Variants in WDR41 observed in about 807,000 individuals in gnomAD.
The protein encoded by WDR41 is WD repeat-containing protein 41.
WDR41 carries 63 observed loss-of-function variants against 69.3 expected under a neutral mutation model. The ratio of observed to expected loss-of-function variants is 0.91; its 90% CI spans 0.74 to 1.12. The LOEUF (loss-of-function observed/expected upper bound fraction) is 1.12. WDR41 is among the 50% of genes most tolerant of loss of function. The probability of loss-of-function intolerance (pLI) is 0.00; values close to 1 mark genes in which losing one functional copy is unlikely to be tolerated. For synonymous variants in WDR41, 185 were observed against 192.1 expected (o/e 0.96, Z 0.31); for missense variants, 543 against 534.5 (o/e 1.02, Z -0.16).
At chr5:77,609,200 A>C (rs946249354) in intron 1 of WDR41, among the ~76,000 whole-genome samples, 1 of 152,218 alleles carries the variant, frequency 6.6e-6, no homozygotes, top group Non-Finnish European at 1.5e-5. Context: ...GCCTGCCTGC[A>C]TCTGTAGGCT....
At chr5:77,563,394 C>A (rs1355451917) in intron 1 of WDR41, among the ~76,000 whole-genome samples, 1 of 152,090 alleles carries the variant, frequency 6.6e-6, no homozygotes, top group East Asian at 1.9e-4. Flanking sequence ...ACCAAAACAG[C>A]ACTCCCCTAC....
chr5:77,545,068 A>T (rs1284179167), intron 1 of WDR41, among the ~76,000 whole-genome samples: 1 of 152,146 alleles, frequency 6.6e-6, no homozygotes, highest in Non-Finnish European at 1.5e-5. Context: ...CTCCTGAATG[A>T]TCATTGGGTG....
intron 1 of WDR41, chr5:77,582,731 A>G (rs1046828182): frequency 8.6e-5 from 137 of 1,593,112 alleles, no homozygotes; most frequent in Middle Eastern, 1.7e-4. Context: ...CAAATCTTCA[A>G]TGGAACCTTT....
At chr5:77,570,842 T>C (rs550113509) in intron 1 of WDR41, among the ~76,000 whole-genome samples, 1 of 152,120 alleles carries the variant, frequency 6.6e-6, no homozygotes, top group South Asian at 2.1e-4. Flanking sequence ...AAATTAATTG[T>C]TCCAATCTAG....
At chr5:77,529,542 A>C (rs1470819348) in intron 1 of WDR41, among the ~76,000 whole-genome samples, 1 of 151,592 alleles carries the variant, frequency 6.6e-6, no homozygotes, top group Non-Finnish European at 1.5e-5. Context: ...ATGAAAATGC[A>C]AAGTGCCAAG....
At chr5:77,476,895 C>G (rs1800962449) in intron 2 of WDR41, among the ~76,000 whole-genome samples, 1 of 142,662 alleles carries the variant, frequency 7.0e-6, no homozygotes, top group Non-Finnish European at 1.5e-5. Flanking sequence ...GATAAAGAGT[C>G]AAGACCCATC....
At chr5:77,600,921 C>CTG (rs778461981) in intron 1 of WDR41, among the ~76,000 whole-genome samples, 170 of 106,478 alleles carry the variant, frequency 1.6e-3, no homozygotes, top group Middle Eastern at 8.8e-3. Context: ...TTATCTAACT[C>CTG]TGTGTGTATG....
chr5:77,433,141 A>G lies in WDR41; in HGVS notation c.1374T>C (p.Ala458=). 6.2e-7 allele frequency: 1 copy of G among 1,611,902 alleles called. No individual in the cohort carries two copies. Among genetic ancestry groups the G allele is most frequent in the South Asian group, 1.1e-5 (1 of 90,388 alleles). The change falls in exon 13 of 13, where the codon GCT becomes GCC. Residue 458 remains alanine, a synonymous_variant. Coordinates refer to ENST00000296679, the MANE Select transcript of WDR41 (RefSeq NM_018268.4). ...GTATTTTTAATTCCTTAAACTAGAC[A>G]GCAAGGTATAAGTCACCATTCTCCT... ...KLEENGDLYL[A]V is the part of the protein sequence containing the mutation.
intron 1 of WDR41, among the ~76,000 whole-genome samples, chr5:77,598,335 T>C (rs1744260671): frequency 6.6e-6 from 1 of 152,204 alleles, no homozygotes; most frequent in Non-Finnish European, 1.5e-5. Flanking sequence ...GACATACTAC[T>C]CCCTTGTACA....
intron 2 of WDR41, among the ~76,000 whole-genome samples, chr5:77,478,999 T>G (rs2112046591): frequency 6.6e-6 from 1 of 151,992 alleles, no homozygotes; most frequent in Admixed American, 6.6e-5. Flanking sequence ...AAAATCAATG[T>G]GCAAAAATCA....
At position 77,492,280 on chromosome 5, in the gene WDR41, C is replaced by G. The variant is rs892214766; in HGVS notation, c.-60G>C. Reference sequence around the variant, plus strand: ...CAGTCAGCCCAAACTCCGCCCCAGGCTCGGCCTCCTCCTTCCTCCCCGGCT... The same window carrying G: ...CAGTCAGCCCAAACTCCGCCCCAGGGTCGGCCTCCTCCTTCCTCCCCGGCT... On this transcript the variant is annotated 5_prime_UTR_variant, in exon 1 of 13. Transcript: ENST00000296679. 6.2e-7 allele frequency: 1 copy of G among 1,602,430 alleles called. No individual in the cohort carries two copies. Among genetic ancestry groups the G allele is most frequent in the Non-Finnish European group, 8.5e-7 (1 of 1,174,762 alleles).
At position 77,433,082 on chromosome 5, in the gene WDR41, T is replaced by TTAATGGTTTTCAGAGTAGC; in HGVS notation, c.*52_*53insGCTACTCTGAAAACCATTA. ...AATATATTAATGGTTTTCAGAGTAG[T>TTAATGGTTTTCAGAGTAGC]ACCCGATATTTGATGTTCAAGGTTC... On this transcript the variant is annotated 3_prime_UTR_variant, in exon 13 of 13. Transcript: ENST00000296679. 1 of 1,534,218 alleles carries TTAATGGTTTTCAGAGTAGC rather than the reference T, an allele frequency of 6.5e-7. No individual in the cohort carries two copies. The highest frequency in any genetic ancestry group is 8.8e-7 in the Non-Finnish European group (1 of 1,138,888).
intron 1 of WDR41, among the ~76,000 whole-genome samples, chr5:77,538,643 T>C (rs923111770): frequency 6.6e-6 from 1 of 152,224 alleles, no homozygotes; most frequent in Admixed American, 6.5e-5. Flanking sequence ...TTTTGTTCTT[T>C]TTTGTGACTG....
At chr5:77,501,565 C>T (rs888451777) in intron 1 of WDR41, among the ~76,000 whole-genome samples, 2 of 152,240 alleles carry the variant, frequency 1.3e-5, no homozygotes, top group African/African-American at 4.8e-5. Context: ...AACAGACAGA[C>T]TGTCTCCTCA....
Position 77,541,530 on chromosome 5 carries a change from T to C in WDR41, c.43-51958A>G, listed in dbSNP as rs1743088937. On this transcript the variant is annotated intron_variant, in intron 1 of 5. Coordinates refer to the WDR41 transcript ENST00000509971. Reference sequence around the variant, plus strand: ...TTTTTTGAGATGGAGTCTTGCTCTGTTGCCCAGGCTAGAGTGCAGTGGCGC... The same window carrying C: ...TTTTTTGAGATGGAGTCTTGCTCTGCTGCCCAGGCTAGAGTGCAGTGGCGC... Among the ~76,000 whole-genome samples the C allele has an allele frequency of 2.7e-5, 4 of 149,316 alleles. No homozygotes were observed. In the South Asian group the frequency reaches 6.5e-4, roughly 24 times the overall value.
Position 77,444,993 on chromosome 5 carries a change from T to A in WDR41, c.698-3996A>T, listed in dbSNP as rs143995382. ...AAAACTCTCCAAAAAAATCAATGAATCCAGAAGCTGGTTTTTTGAAAAAAT... is the reference window on the plus strand; with the variant it reads ...AAAACTCTCCAAAAAAATCAATGAAACCAGAAGCTGGTTTTTTGAAAAAAT... On this transcript the variant is annotated intron_variant, in intron 8 of 12. Coordinates refer to ENST00000296679, the MANE Select transcript of WDR41 (RefSeq NM_018268.4). Among the ~76,000 whole-genome samples, 517 of 152,062 alleles carry A rather than the reference T, an allele frequency of 3.4e-3. 4 individuals are homozygous for A. The highest frequency in any genetic ancestry group is 0.012 in the African/African-American group (487 of 41,492).
intron 4 of WDR41, among the ~76,000 whole-genome samples, chr5:77,459,773 G>A (rs920483044): frequency 1.3e-5 from 2 of 152,120 alleles, no homozygotes; most frequent in African/African-American, 2.4e-5. Flanking sequence ...GTATATGCAT[G>A]TATTAAAAAT....
intron 1 of WDR41, among the ~76,000 whole-genome samples, chr5:77,604,732 C>T (rs778478815): frequency 9.2e-5 from 14 of 151,928 alleles, no homozygotes; most frequent in African/African-American, 2.9e-4. Context: ...AGACCAAAAC[C>T]GACCTAAATG....
At chr5:77,474,970 G>A (rs553660924) in intron 2 of WDR41, among the ~76,000 whole-genome samples, 11 of 152,324 alleles carry the variant, frequency 7.2e-5, no homozygotes, top group South Asian at 6.2e-4. Flanking sequence ...CACCGTGCGC[G>A]AGCCGAAGCA....
Sources: allele counts gnomAD v4.1 joint callset (sites outside exome capture counted in the v4.1 genomes callset), GRCh38; gene constraint gnomAD v4.1.1; transcripts MANE v1.5; gene names NCBI Gene and HGNC (gene_info 2026-07-23, HGNC 2026-07-21).